The following APBA1 variants were observed in gnomAD, a reference collection of about 807,000 sequenced individuals.
APBA1 encodes amyloid-beta A4 precursor protein-binding family A member 1.
Under a neutral mutation model 86.6 loss-of-function variants are expected in APBA1, and 55 were observed. That is an observed-to-expected ratio of 0.64 (90% CI 0.51 to 0.80). The LOEUF (loss-of-function observed/expected upper bound fraction) is 0.80, where lower values mean the gene tolerates loss of function less well. Ranked by LOEUF, APBA1 falls within the 30% of genes least tolerant of loss-of-function variation. The pLI, the probability that APBA1 is intolerant of heterozygous loss-of-function variation, is 0.00. For synonymous variants in APBA1, 511 were observed against 493.9 expected (o/e 1.03, Z -0.46); for missense variants, 1,090 against 1,183.0 (o/e 0.92, Z 1.15).
chr9:69,648,556 T>C (rs953760378), intron 1 of APBA1, among the ~76,000 whole-genome samples: 2 of 152,142 alleles, frequency 1.3e-5, no homozygotes, highest in Admixed American at 1.3e-4. Context: ...TGGGCAAAAA[T>C]CATTATTTTT....
intron 1 of APBA1, among the ~76,000 whole-genome samples, chr9:69,577,555 T>C (rs1821828150): frequency 6.6e-6 from 1 of 152,080 alleles, no homozygotes; most frequent in African/African-American, 2.4e-5. Flanking sequence ...TTTAGGACCA[T>C]CTGAACAAGG....
chr9:69,618,524 A>G (rs1822751423), intron 1 of APBA1, among the ~76,000 whole-genome samples: 2 of 152,242 alleles, frequency 1.3e-5, no homozygotes, highest in Admixed American at 6.5e-5. Flanking sequence ...TTCCATGGAA[A>G]GAGACCAATG....
chr9:69,607,773 G>A (rs946072012), intron 1 of APBA1, among the ~76,000 whole-genome samples: 1 of 152,194 alleles, frequency 6.6e-6, no homozygotes, highest in Admixed American at 6.5e-5. Flanking sequence ...ATCCAGCTGT[G>A]GCTCCAGAGT....
chr9:69,618,858 C>T (rs1822759756), intron 1 of APBA1, among the ~76,000 whole-genome samples: 1 of 152,238 alleles, frequency 6.6e-6, no homozygotes, highest in African/African-American at 2.4e-5. Context: ...AATGGATTTA[C>T]ATCGTAACCC....
chr9:69,622,996 C>G (rs1822850670), intron 1 of APBA1, among the ~76,000 whole-genome samples: 2 of 152,276 alleles, frequency 1.3e-5, no homozygotes, highest in South Asian at 4.1e-4. Context: ...TTCAAGTGTC[C>G]ACACTCTTGG....
At chr9:69,602,553 GGA>G (rs1378286966) in intron 1 of APBA1, among the ~76,000 whole-genome samples, 1 of 151,542 alleles carries the variant, frequency 6.6e-6, no homozygotes, top group Non-Finnish European at 1.5e-5. Flanking sequence ...CCTGGGTGAC[GGA>G]GAGAGACTCT....
intron 1 of APBA1, among the ~76,000 whole-genome samples, chr9:69,588,927 C>A (rs932693634): frequency 5.3e-5 from 8 of 152,068 alleles, no homozygotes; most frequent in African/African-American, 1.9e-4. Context: ...CTATAAGGGG[C>A]TTGAGGGGAA....
At chr9:69,433,473 G>A (rs1834640188) in intron 11 of APBA1, among the ~76,000 whole-genome samples, 1 of 152,198 alleles carries the variant, frequency 6.6e-6, no homozygotes, top group Non-Finnish European at 1.5e-5. Flanking sequence ...TGAGTGTGTG[G>A]CCCAGCTGCT....
At position 69,476,057 on chromosome 9, in the gene APBA1, A is replaced by G. The variant is rs1835439286; in HGVS notation, c.1287T>C (p.Thr429=). 1 of 1,613,842 alleles carries G rather than the reference A, an allele frequency of 6.2e-7. No homozygotes were observed. The highest frequency in any genetic ancestry group is 8.5e-7 in the Non-Finnish European group (1 of 1,179,834). Reference sequence around the variant, plus strand: ...CAAAACAGCACCCTACCTCTTTATTAGTGGACGCTTCCACAGGGTCACTGG... The same window carrying G: ...CAAAACAGCACCCTACCTCTTTATTGGTGGACGCTTCCACAGGGTCACTGG... ...LHPSDPVEAS[T]NKESRKSLAS... is the part of the protein sequence containing the mutation. The change falls in exon 3 of 13, where the codon ACT becomes ACC. Residue 429 remains threonine (T), a synonymous_variant. Coordinates refer to ENST00000265381, the MANE Select transcript of APBA1 (RefSeq NM_001163.4).
intron 1 of APBA1, among the ~76,000 whole-genome samples, chr9:69,651,664 C>T (rs557020039): frequency 1.5e-4 from 23 of 152,180 alleles, no homozygotes; most frequent in African/African-American, 4.3e-4. Flanking sequence ...TTAGTAGAGA[C>T]GGGGTTTCGC....
At chr9:69,472,865 T>G (rs188472558) in intron 3 of APBA1, among the ~76,000 whole-genome samples, 1 of 152,294 alleles carries the variant, frequency 6.6e-6, no homozygotes, top group Non-Finnish European at 1.5e-5. Context: ...GGATGATAAC[T>G]TGGTTAATAC....
intron 1 of APBA1, among the ~76,000 whole-genome samples, chr9:69,596,748 T>C (rs1197601309): frequency 2.6e-5 from 4 of 152,186 alleles, no homozygotes; most frequent in Non-Finnish European, 5.9e-5. Flanking sequence ...ATTCTATACA[T>C]CTAGAAGCAG....
chr9:69,545,645 G>T (rs1237585532), intron 1 of APBA1, among the ~76,000 whole-genome samples: 1 of 152,186 alleles, frequency 6.6e-6, no homozygotes, highest in African/African-American at 2.4e-5. Context: ...ACACGTTGAT[G>T]TCAGAGCCTG....
intron 1 of APBA1, among the ~76,000 whole-genome samples, chr9:69,660,437 G>T (rs1823732687): frequency 6.6e-6 from 1 of 152,216 alleles, no homozygotes. Flanking sequence ...ATACCCAAGG[G>T]AGCAAAGCTA....
At chr9:69,655,925 A>G (rs1823599905) in intron 1 of APBA1, among the ~76,000 whole-genome samples, 1 of 152,206 alleles carries the variant, frequency 6.6e-6, no homozygotes, top group African/African-American at 2.4e-5. Context: ...AGAAATCATA[A>G]AAGTTTCAGT....
At chr9:69,439,171 T>C (rs1345460662) in intron 11 of APBA1, among the ~76,000 whole-genome samples, 1 of 102,400 alleles carries the variant, frequency 9.8e-6, no homozygotes, top group East Asian at 2.4e-4. Flanking sequence ...TGGGCTTCCC[T>C]TTGTGGGTAA....
At chr9:69,598,916 C>T (rs1317288677) in intron 1 of APBA1, among the ~76,000 whole-genome samples, 1 of 152,138 alleles carries the variant, frequency 6.6e-6, no homozygotes, top group African/African-American at 2.4e-5. Flanking sequence ...GGTATTTTTA[C>T]TGCATTTTAT....
chr9:69,600,900 G>C (rs1448819136), intron 1 of APBA1, among the ~76,000 whole-genome samples: 1 of 150,464 alleles, frequency 6.6e-6, no homozygotes, highest in Non-Finnish European at 1.5e-5. Context: ...CTCCACCTGG[G>C]AGGCTTAAAT....
chr9:69,581,050 C>G (rs1288701532), intron 1 of APBA1, among the ~76,000 whole-genome samples: 1 of 152,110 alleles, frequency 6.6e-6, no homozygotes, highest in Admixed American at 6.5e-5. Context: ...TCAAAGATGG[C>G]CCCAATCAGA....
Sources: allele counts gnomAD v4.1 joint callset (sites outside exome capture counted in the v4.1 genomes callset), GRCh38; gene constraint gnomAD v4.1.1; transcripts MANE v1.5; gene names NCBI Gene and HGNC (gene_info 2026-07-23, HGNC 2026-07-21).